The following MGST3 variants were observed in gnomAD, a reference collection of about 807,000 sequenced individuals.
MGST3 encodes the protein microsomal glutathione S-transferase 3.
A neutral mutation model predicts 15.8 loss-of-function variants in MGST3; 13 were observed. That is an observed-to-expected ratio of 0.82 (90% confidence interval 0.54 to 1.31). The LOEUF (loss-of-function observed/expected upper bound fraction) is 1.31, where lower values mean the gene tolerates loss of function less well. Among genes scored for constraint, MGST3 ranks in the 50% most tolerant of loss-of-function variants. The pLI is 0.00. For synonymous variants in MGST3, 49 were observed against 68.1 expected, an observed-to-expected ratio of 0.72 and a Z score of 1.38; for missense variants, 155 against 192.4, an observed-to-expected ratio of 0.81 and a Z score of 1.15.
chr1:165,645,344 T>C (rs1374419434), intron 1 of MGST3, among the ~76,000 whole-genome samples: 1 of 152,194 alleles, frequency 6.6e-6, no homozygotes, highest in Non-Finnish European at 1.5e-5. Flanking sequence ...ATCCGTCTTC[T>C]GCCTCCACAT....
At chr1:165,643,281 T>C (rs1384358477) in intron 1 of MGST3, among the ~76,000 whole-genome samples, 1 of 152,194 alleles carries the variant, frequency 6.6e-6, no homozygotes, top group Non-Finnish European at 1.5e-5. Flanking sequence ...CCCTCTATTA[T>C]TGGACATATG....
At chr1:165,641,940 G>T (rs1648274881) in intron 1 of MGST3, among the ~76,000 whole-genome samples, 1 of 152,288 alleles carries the variant, frequency 6.6e-6, no homozygotes, top group Admixed American at 6.5e-5. Flanking sequence ...ATGTTCTCTT[G>T]ACTGATCTAT....
chr1:165,637,630 T>G (rs1435069826), intron 1 of MGST3, among the ~76,000 whole-genome samples: 4 of 152,162 alleles, frequency 2.6e-5, no homozygotes, highest in Non-Finnish European at 4.4e-5. Context: ...CGTCAAATGG[T>G]GGCAGAAGCA....
chr1:165,638,538 C>T (rs1329254444), intron 1 of MGST3, among the ~76,000 whole-genome samples: 1 of 152,094 alleles, frequency 6.6e-6, no homozygotes, highest in Non-Finnish European at 1.5e-5. Context: ...AATCCCAGCA[C>T]TTTCGGAGGC....
At chr1:165,638,816 T>A (rs1407309232) in intron 1 of MGST3, among the ~76,000 whole-genome samples, 1 of 148,522 alleles carries the variant, frequency 6.7e-6, no homozygotes. Flanking sequence ...AAAACCCACA[T>A]TCTAGAAATA....
At chr1:165,635,977 G>T (rs1175709235) in intron 1 of MGST3, among the ~76,000 whole-genome samples, 2 of 152,134 alleles carry the variant, frequency 1.3e-5, no homozygotes, top group Non-Finnish European at 2.9e-5. Context: ...ATTGTCGGGG[G>T]ATAGTTACTT....
intron 2 of MGST3, chr1:165,650,261 T>C (rs956802718): frequency 1.9e-5 from 8 of 425,036 alleles, no homozygotes; most frequent in Non-Finnish European, 3.5e-5. Flanking sequence ...AGAGAGTTAC[T>C]GTATTTTCCA....
intron 1 of MGST3, among the ~76,000 whole-genome samples, chr1:165,637,515 G>A (rs186206351): frequency 6.2e-4 from 95 of 152,316 alleles, no homozygotes; most frequent in Non-Finnish European, 1.0e-3. Context: ...AGGAATTTGG[G>A]AAGTAGTGAA....
chr1:165,632,980 C>A (rs1371071873), intron 1 of MGST3, among the ~76,000 whole-genome samples: 1 of 152,198 alleles, frequency 6.6e-6, no homozygotes, highest in Admixed American at 6.5e-5. Flanking sequence ...ACATATTGTG[C>A]CCTATGTTTA....
chr1:165,644,823 A>G (rs921450906), intron 1 of MGST3, among the ~76,000 whole-genome samples: 3 of 152,114 alleles, frequency 2.0e-5, no homozygotes, highest in Non-Finnish European at 4.4e-5. Context: ...CAGTGGTGCA[A>G]TCTCGGCTCA....
At chr1:165,654,543 T>C (rs577159768) in intron 5 of MGST3, among the ~76,000 whole-genome samples, 192 bp downstream of exon 5, 2 of 152,122 alleles carry the variant, frequency 1.3e-5, no homozygotes, top group African/African-American at 4.8e-5. Context: ...ATACAAAAAT[T>C]AGCCGGATGT....
chr1:165,655,656 G>A lies in MGST3; in HGVS notation c.*152G>A. On this transcript the variant is annotated 3_prime_UTR_variant, in exon 6 of 6. Coordinates refer to ENST00000367889, the MANE Select transcript of MGST3 (RefSeq NM_004528.4). Reference sequence around the variant, plus strand: ...TTACCACTCATTTCCGTTTGAGTCTGTATCTGAAATCAGTAGCCTAGTCCT... The same window carrying A: ...TTACCACTCATTTCCGTTTGAGTCTATATCTGAAATCAGTAGCCTAGTCCT... The A allele has an allele frequency of 1.1e-6, 1 of 936,956 alleles. No individual in the cohort carries two copies. The highest frequency in any genetic ancestry group is 1.6e-6 in the Non-Finnish European group (1 of 622,936). 58.0% of individuals were successfully genotyped at this position (936,956 alleles called of 1,614,324 possible). A position where few individuals can be genotyped will look rare whatever the true frequency, so the allele number is the denominator to read the frequency against.
chr1:165,637,620 C>T (rs572309416), intron 1 of MGST3, among the ~76,000 whole-genome samples: 4 of 152,246 alleles, frequency 2.6e-5, no homozygotes, highest in South Asian at 4.1e-4. Flanking sequence ...CAGTAAGATA[C>T]GTCAAATGGT....
rs367581020 is a variant in MGST3 at position 165,651,915 on chromosome 1, A to G, written c.192-63A>G. On this transcript the variant is annotated intron_variant, in intron 3 of 5. Coordinates refer to ENST00000367889, the MANE Select transcript of MGST3 (RefSeq NM_004528.4). Reference sequence around the variant, plus strand: ...CTCAAAAAAAAAAAAAAAAAAATTCATAATTCTACACAGGCATACTTAAAA... The same window carrying G: ...CTCAAAAAAAAAAAAAAAAAAATTCGTAATTCTACACAGGCATACTTAAAA... 25 of 1,047,330 alleles carry G rather than the reference A, an allele frequency of 2.4e-5. 1 individual carries two copies. The African/African-American group carries it at 3.2e-4, about 14-fold the overall frequency. 64.9% of individuals were successfully genotyped at this position (1,047,330 alleles called of 1,614,324 possible). A position where few individuals can be genotyped will look rare whatever the true frequency, so the allele number is the denominator to read the frequency against.
Position 165,655,584 on chromosome 1 carries a change from A to G in MGST3, c.*80A>G. 6.4e-7 allele frequency: 1 copy of G among 1,551,436 alleles called. No individual in the cohort carries two copies. Among genetic ancestry groups the G allele is most frequent in the South Asian group, 1.2e-5 (1 of 86,732 alleles). Reference sequence around the variant, plus strand: ...CCAGTTACATTTTTTTTCTAAATATAATAAAAACTTACCTGGCATCAGCCT... The same window carrying G: ...CCAGTTACATTTTTTTTCTAAATATGATAAAAACTTACCTGGCATCAGCCT... On this transcript the variant is annotated 3_prime_UTR_variant, in exon 6 of 6. Transcript: ENST00000367889.
intron 4 of MGST3, chr1:165,653,969 T>C: frequency 2.6e-6 from 1 of 388,392 alleles, no homozygotes; most frequent in Non-Finnish European, 4.7e-6. Context: ...CACATGTCCT[T>C]CTCTTGAGCT....
chr1:165,649,514 T>C, intron 1 of MGST3: 1 of 279,580 alleles, frequency 3.6e-6, no homozygotes, highest in Non-Finnish European at 6.9e-6. Flanking sequence ...ATGTGATTTT[T>C]GTTGGCTATA....
intron 1 of MGST3, among the ~76,000 whole-genome samples, chr1:165,643,581 A>G (rs1056725045): frequency 2.0e-5 from 3 of 151,248 alleles, no homozygotes; most frequent in African/African-American, 7.3e-5. Context: ...AAAAATATAC[A>G]TAGGCTGGGC....
intron 5 of MGST3, among the ~76,000 whole-genome samples, 167 bp downstream of exon 5, chr1:165,654,518 C>T (rs1381129740): frequency 1.3e-5 from 2 of 152,128 alleles, no homozygotes; most frequent in African/African-American, 4.8e-5. Context: ...TGGTGAAACC[C>T]TGTCTCTACA....
Sources: allele counts gnomAD v4.1 joint callset (sites outside exome capture counted in the v4.1 genomes callset), GRCh38; gene constraint gnomAD v4.1.1; transcripts MANE v1.5; gene names NCBI Gene and HGNC (gene_info 2026-07-23, HGNC 2026-07-21).